CYP39A1: variants seen among roughly 807,000 people sequenced by gnomAD.
The protein encoded by CYP39A1 is cytochrome P450 family 39 subfamily A member 1.
In CYP39A1, 49 loss-of-function variants were observed where a neutral mutation model predicts 58.1. The ratio of observed to expected loss-of-function variants is 0.84; its 90% CI spans 0.67 to 1.07. CYP39A1 has a LOEUF of 1.07. CYP39A1 is among the 50% of genes least tolerant of loss of function. CYP39A1 has a pLI of 0.00. For synonymous variants in CYP39A1, 209 were observed against 187.6 expected (o/e 1.11, Z -0.93); for missense variants, 531 against 539.4 (o/e 0.98, Z 0.16).
intron 7 of CYP39A1, among the ~76,000 whole-genome samples, chr6:46,606,778 G>A (rs1468630728): frequency 6.6e-6 from 1 of 152,112 alleles, no homozygotes; most frequent in Non-Finnish European, 1.5e-5. Context: ...TCATAATGAT[G>A]TGTATTATAA....
intron 6 of CYP39A1, among the ~76,000 whole-genome samples, chr6:46,629,060 A>G (rs1775493170): frequency 6.6e-6 from 1 of 152,198 alleles, no homozygotes; most frequent in Admixed American, 6.5e-5. Flanking sequence ...ACTGTTACCC[A>G]GTGCTGGCAA....
intron 8 of CYP39A1, among the ~76,000 whole-genome samples, chr6:46,592,810 A>T (rs1772921061): frequency 6.6e-6 from 1 of 152,040 alleles, no homozygotes; most frequent in South Asian, 2.1e-4. Flanking sequence ...ACAAAAATCA[A>T]CTGGGCATGA....
At chr6:46,616,643 T>A (rs1774628224) in intron 7 of CYP39A1, among the ~76,000 whole-genome samples, 1 of 152,200 alleles carries the variant, frequency 6.6e-6, no homozygotes, top group South Asian at 2.1e-4. Flanking sequence ...AAGTAATATT[T>A]ACTTTGTTCA....
intron 7 of CYP39A1, among the ~76,000 whole-genome samples, chr6:46,617,830 T>C (rs1304018991): frequency 6.6e-6 from 1 of 152,176 alleles, no homozygotes; most frequent in Admixed American, 6.6e-5. Context: ...GGCCTGCTAC[T>C]TAATTAGCGC....
intron 7 of CYP39A1, among the ~76,000 whole-genome samples, chr6:46,601,835 A>G (rs2150533068): frequency 6.6e-6 from 1 of 152,008 alleles, no homozygotes; most frequent in East Asian, 1.9e-4. Flanking sequence ...GTTACTTATT[A>G]TTATTATTTC....
intron 7 of CYP39A1, among the ~76,000 whole-genome samples, chr6:46,597,094 G>A (rs1296658444): frequency 6.6e-6 from 1 of 152,080 alleles, no homozygotes; most frequent in African/African-American, 2.4e-5. Flanking sequence ...GCAGGAAAAG[G>A]TTTATTGGGT....
At position 46,637,891 on chromosome 6, in the gene CYP39A1, C is replaced by T. The variant is rs563418243; in HGVS notation, c.576G>A (p.Gln192=). ...AATCTTCATCATAAACTTGAAAATA[C>T]TGATGGAACTCCTTGATTTTTTTCT... The part of the protein sequence containing the change: ...TNKKKIKEFH[Q]YFQVYDEDFE... Residue 192 remains glutamine (Q), a synonymous_variant, in exon 4 of 12, where the codon CAG becomes CAA. Coordinates refer to ENST00000275016, the MANE Select transcript of CYP39A1 (RefSeq NM_016593.5). The T allele has an allele frequency of 6.2e-7, 1 of 1,613,036 alleles. No homozygotes were observed. Among genetic ancestry groups the T allele is most frequent in the Non-Finnish European group, 8.5e-7 (1 of 1,179,730 alleles).
In CYP39A1 at chr6:46,552,004, T is replaced by C. The variant is rs372253245; in HGVS notation, c.1339-1567A>G. ...TTTCTTTAAAAAGTGTTCTCAGTGG[T>C]GTCAAAACATAAATAGGACATATAT... On this transcript the variant is annotated intron_variant, in intron 11 of 11. Coordinates refer to ENST00000275016, the MANE Select transcript of CYP39A1 (RefSeq NM_016593.5). 9.8e-5 allele frequency among the ~76,000 whole-genome samples: 15 copies of C among 152,320 alleles called. No homozygotes were observed. In the East Asian group the frequency reaches 1.3e-3, roughly 14 times the overall value.
intron 10 of CYP39A1, among the ~76,000 whole-genome samples, chr6:46,585,716 AT>A (rs947639165): frequency 2.0e-5 from 3 of 152,118 alleles, no homozygotes; most frequent in Non-Finnish European, 2.9e-5. Flanking sequence ...AAGGACACTT[AT>A]TATCTAACAT....
At chr6:46,645,362 G>T (rs1247244831) in intron 1 of CYP39A1, among the ~76,000 whole-genome samples, 1 of 152,038 alleles carries the variant, frequency 6.6e-6, no homozygotes, top group Non-Finnish European at 1.5e-5. Context: ...TGTTGGGGGT[G>T]GTTCTTTGTT....
In CYP39A1 at chr6:46,649,078, T is replaced by C. The variant is rs182506158; in HGVS notation, c.177+3328A>G. ...TATGGGTTTTTCTGTTGTAACAGAA[T>C]TTCGTAACTAAAGATTGGGTTCTAG... is the stretch of plus-strand genomic sequence containing the variant. On this transcript the variant is annotated intron_variant, in intron 1 of 11. Transcript: ENST00000275016. Among the ~76,000 whole-genome samples, 114 of 152,334 alleles carry C rather than the reference T, an allele frequency of 7.5e-4. 1 individual carries two copies. The highest frequency in any genetic ancestry group is 2.5e-3 in the African/African-American group (104 of 41,590).
chr6:46,600,028 A>G (rs1407123482), intron 7 of CYP39A1, among the ~76,000 whole-genome samples: 1 of 152,216 alleles, frequency 6.6e-6, no homozygotes, highest in Non-Finnish European at 1.5e-5. Flanking sequence ...TTCCTAACAC[A>G]GATCTCCTAA....
chr6:46,587,055 G>A (rs368544495), intron 10 of CYP39A1, 22 bp downstream of exon 10: 122 of 1,571,188 alleles, frequency 7.8e-5, no homozygotes, highest in African/African-American at 1.6e-4. Flanking sequence ...CTGGATAAAT[G>A]TGGCCCAGCT....
intron 6 of CYP39A1, 37 bp downstream of exon 6, chr6:46,630,926 G>C: frequency 7.1e-7 from 1 of 1,400,970 alleles, no homozygotes; most frequent in South Asian, 1.2e-5. Flanking sequence ...AAGGACAGTG[G>C]AGAGCAACGT....
At position 46,652,492 on chromosome 6, in the gene CYP39A1, A is replaced by T. The variant is rs1462730591; in HGVS notation, c.91T>A (p.Cys31Ser). 4.3e-6 allele frequency: 7 copies of T among 1,613,972 alleles called. No individual in the cohort carries two copies. Among genetic ancestry groups the T allele is most frequent in the Non-Finnish European group, 5.9e-6 (7 of 1,179,954 alleles). ...ATCCAAGGAATCCAGCCCTTGATGC[A>T]CGGGGGTCTACGCAAATTCTTCCGC... ...LQRKNLRRPP[C>S]IKGWIPWIGV... The change falls in exon 1 of 12, where the codon TGC becomes AGC. Residue 31 changes from cysteine (C) to serine (S), a missense_variant. Transcript: ENST00000275016.
intron 8 of CYP39A1, among the ~76,000 whole-genome samples, chr6:46,589,256 C>A (rs1020426415): frequency 6.6e-6 from 1 of 151,888 alleles, no homozygotes; most frequent in Admixed American, 6.6e-5. Flanking sequence ...AGTTTGAGAC[C>A]AGCCTAGGCA....
intron 10 of CYP39A1, among the ~76,000 whole-genome samples, chr6:46,565,205 G>A (rs549609619): frequency 6.6e-6 from 1 of 152,144 alleles, no homozygotes; most frequent in East Asian, 1.9e-4. Context: ...CTGATCTAGA[G>A]GAACTTGTCA....
intron 10 of CYP39A1, among the ~76,000 whole-genome samples, chr6:46,556,822 G>A (rs996671024): frequency 8.6e-5 from 13 of 152,036 alleles, no homozygotes; most frequent in East Asian, 1.9e-4. Context: ...TAACATTTAC[G>A]TCTTGCCATC....
chr6:46,595,188 G>T (rs1053263120), intron 8 of CYP39A1, among the ~76,000 whole-genome samples: 2 of 151,870 alleles, frequency 1.3e-5, no homozygotes, highest in African/African-American at 2.4e-5. Flanking sequence ...AGAGAAAAGG[G>T]AACACTTGCA....
Sources: allele counts gnomAD v4.1 joint callset (sites outside exome capture counted in the v4.1 genomes callset), GRCh38; gene constraint gnomAD v4.1.1; transcripts MANE v1.5; gene names NCBI Gene and HGNC (gene_info 2026-07-23, HGNC 2026-07-21).